The following C9orf72 variants were observed in gnomAD, a reference collection of about 807,000 sequenced individuals.
The protein encoded by C9orf72 is C9orf72-SMCR8 complex subunit.
C9orf72 carries 44 observed loss-of-function variants against 51.6 expected under a neutral mutation model. The ratio of observed to expected loss-of-function variants is 0.85; its 90% CI spans 0.67 to 1.10. C9orf72 has a LOEUF of 1.10. C9orf72 is among the 50% of genes least tolerant of loss of function. The pLI, the probability that C9orf72 is intolerant of heterozygous loss-of-function variation, is 0.00. For synonymous variants in C9orf72, 213 were observed against 194.2 expected, an observed-to-expected ratio of 1.10 and a Z score of -0.81; for missense variants, 607 against 570.6, an observed-to-expected ratio of 1.06 and a Z score of -0.65.
chr9:27,570,567 A>G (rs1163791863), intron 1 of C9orf72, among the ~76,000 whole-genome samples: 2 of 152,240 alleles, frequency 1.3e-5, no homozygotes, highest in East Asian at 1.9e-4. Flanking sequence ...TCCTAACAGA[A>G]TAAGAAAAAA....
At chr9:27,565,634 T>A in intron 2 of C9orf72, 44 bp from the exon 3 acceptor site, 1 of 1,170,944 alleles carries the variant, frequency 8.5e-7, no homozygotes, top group Non-Finnish European at 1.3e-6. Context: ...CCACAACATT[T>A]TGATACTTGC....
intron 8 of C9orf72, among the ~76,000 whole-genome samples, chr9:27,551,034 T>G (rs1820895484): frequency 6.6e-6 from 1 of 151,962 alleles, no homozygotes; most frequent in Non-Finnish European, 1.5e-5. Flanking sequence ...TTAAAAAAAG[T>G]AGAGACCCTT....
At chr9:27,553,726 C>A (rs901208369) in intron 8 of C9orf72, among the ~76,000 whole-genome samples, 2 of 152,086 alleles carry the variant, frequency 1.3e-5, no homozygotes, top group Admixed American at 6.6e-5. Context: ...CGAGCTCCTG[C>A]ATGGCAAAAG....
chr9:27,556,300 C>G (rs1313318059), intron 8 of C9orf72, among the ~76,000 whole-genome samples: 1 of 151,954 alleles, frequency 6.6e-6, no homozygotes, highest in Non-Finnish European at 1.5e-5. Context: ...AGAACAGTGC[C>G]TAGGAGCTCA....
intron 8 of C9orf72, among the ~76,000 whole-genome samples, chr9:27,555,756 T>C (rs1820995828): frequency 6.6e-6 from 1 of 152,012 alleles, no homozygotes; most frequent in Admixed American, 6.6e-5. Context: ...AGAGATGGGG[T>C]TTCACTATGT....
At position 27,546,708 on chromosome 9, in the gene C9orf72, A is replaced by C. The variant is rs1337259202; in HGVS notation, c.*1528T>G. 6.6e-6 allele frequency: 1 copy of C among 152,236 alleles called. No homozygotes were observed. The highest frequency in any genetic ancestry group is 1.5e-5 in the Non-Finnish European group (1 of 68,034). The allele number at this position is 152,236 out of a possible 1,614,324, so 9.4% of individuals were successfully genotyped here. A position where few individuals can be genotyped will look rare whatever the true frequency, so the allele number is the denominator to read the frequency against. On this transcript the variant is annotated 3_prime_UTR_variant, in exon 11 of 11. Coordinates refer to ENST00000380003, the MANE Select transcript of C9orf72 (RefSeq NM_018325.5). Reference sequence around the variant, plus strand: ...ATAACCAGTTAGCACTTAAATAAGAATCTACCATGTAAAAAACACAGTATG... The same window carrying C: ...ATAACCAGTTAGCACTTAAATAAGACTCTACCATGTAAAAAACACAGTATG...
chr9:27,556,071 G>A (rs1819188120), intron 8 of C9orf72, among the ~76,000 whole-genome samples: 1 of 147,828 alleles, frequency 6.8e-6, no homozygotes, highest in Non-Finnish European at 1.5e-5. Flanking sequence ...AAAATAAGAA[G>A]TGAATAACAA....
intron 8 of C9orf72, among the ~76,000 whole-genome samples, chr9:27,551,917 G>A (rs1457498233): frequency 6.6e-6 from 1 of 152,138 alleles, no homozygotes; most frequent in East Asian, 1.9e-4. Context: ...GGATTCCTAG[G>A]TATTTTATTC....
chr9:27,560,530 A>G, intron 5 of C9orf72: 2 of 665,878 alleles, frequency 3.0e-6, no homozygotes, highest in Non-Finnish European at 4.0e-6. Flanking sequence ...AGTCAGTATA[A>G]TATCATTTAA....
At position 27,556,552 on chromosome 9, in the gene C9orf72, A is replaced by G. The variant is rs777232451; in HGVS notation, c.1091+9T>C. ...TGACTACAGTACCAGCAGGCAGAGCATTACGTACAAATCAGGAGTAAAGCT... is the reference window on the plus strand; with the variant it reads ...TGACTACAGTACCAGCAGGCAGAGCGTTACGTACAAATCAGGAGTAAAGCT... On this transcript the variant is annotated intron_variant, in intron 8 of 10. Transcript: ENST00000380003. 1.3e-6 allele frequency: 2 copies of G among 1,564,532 alleles called. No homozygotes were observed. Among genetic ancestry groups the G allele is most frequent in the African/African-American group, 1.4e-5 (1 of 74,028 alleles).
rs1820803049 is a variant in C9orf72, at chr9:27,547,904, G to A, written c.*332C>T. ...CAACTCAGATTTCACCTTGACACAT[G>A]TAAACCATGAATCATGTATTTCAAA... On this transcript the variant is annotated 3_prime_UTR_variant, in exon 11 of 11. Coordinates refer to ENST00000380003, the MANE Select transcript of C9orf72 (RefSeq NM_018325.5). The A allele has an allele frequency of 6.0e-6, 1 of 166,248 alleles. No individual in the cohort carries two copies. Among genetic ancestry groups the A allele is most frequent in the Non-Finnish European group, 1.3e-5 (1 of 77,422 alleles). 10.3% of individuals were successfully genotyped at this position (166,248 alleles called of 1,614,324 possible). A position where few individuals can be genotyped will look rare whatever the true frequency, so the allele number is the denominator to read the frequency against.
chr9:27,564,342 A>T (rs1819418580), intron 3 of C9orf72, among the ~76,000 whole-genome samples: 1 of 152,116 alleles, frequency 6.6e-6, no homozygotes, highest in Non-Finnish European at 1.5e-5. Flanking sequence ...AACTTAAGTA[A>T]AGGTTTCTGG....
In C9orf72 at chr9:27,565,671, G is replaced by A. The variant is rs183669866; in HGVS notation, c.445-81C>T. 2.4e-4 allele frequency: 210 copies of A among 893,380 alleles called. 1 individual carries two copies. Among genetic ancestry groups the A allele is most frequent in the Admixed American group, 7.3e-4 (36 of 49,378 alleles). The allele number at this position is 893,380 out of a possible 1,614,324, so 55.3% of individuals were successfully genotyped here. A position where few individuals can be genotyped will look rare whatever the true frequency, so the allele number is the denominator to read the frequency against. ...TATTTTTCAATAGACATGTTCTTGTGTAGTAATTTAGTTCACAAGAAAAAT... is the reference window on the plus strand; with the variant it reads ...TATTTTTCAATAGACATGTTCTTGTATAGTAATTTAGTTCACAAGAAAAAT... On this transcript the variant is annotated intron_variant, in intron 2 of 10. Coordinates refer to ENST00000380003, the MANE Select transcript of C9orf72 (RefSeq NM_018325.5).
At position 27,556,468 on chromosome 9, in the gene C9orf72, C is replaced by A. The variant is rs1419118476; in HGVS notation, c.1091+93G>T. On this transcript the variant is annotated intron_variant, in intron 8 of 10. Transcript: ENST00000380003. Reference sequence around the variant, plus strand: ...ATAATTCTGCTGGTAATATTTCTTTCTTTTTAAATGCAACTTCTGTTTTGT... The same window carrying A: ...ATAATTCTGCTGGTAATATTTCTTTATTTTTAAATGCAACTTCTGTTTTGT... The A allele has an allele frequency of 7.6e-6, 6 of 791,330 alleles. No individual in the cohort carries two copies. The African/African-American group carries it at 8.6e-5, about 11-fold the overall frequency. The allele number at this position is 791,330 out of a possible 1,614,324, so 49.0% of individuals were successfully genotyped here.
At chr9:27,557,895 T>G (rs1392470289) in intron 7 of C9orf72, among the ~76,000 whole-genome samples, 1 of 151,928 alleles carries the variant, frequency 6.6e-6, no homozygotes, top group East Asian at 1.9e-4. Context: ...TTAGGAAAGC[T>G]ATTTCTTCAC....
upstream of C9orf72, chr9:27,573,761 C>G (rs938300969): frequency 6.6e-6 from 1 of 152,324 alleles, no homozygotes; most frequent in African/African-American, 2.4e-5. Context: ...AGAGAAGCAA[C>G]CGGGCAGCAG....
intron 3 of C9orf72, among the ~76,000 whole-genome samples, chr9:27,564,499 T>C (rs1487225323): frequency 6.6e-6 from 1 of 152,190 alleles, no homozygotes; most frequent in East Asian, 1.9e-4. Flanking sequence ...CCCTGCTTAT[T>C]GACCAGCAAA....
chr9:27,560,030 T>G (rs2131538055), intron 6 of C9orf72, 197 bp downstream of exon 6: 1 of 329,436 alleles, frequency 3.0e-6, no homozygotes, highest in East Asian at 4.8e-5. Context: ...GCTATCAAAA[T>G]AAACTGATAA....
intron 6 of C9orf72, chr9:27,559,670 T>C (rs1229004713): frequency 6.6e-6 from 1 of 152,136 alleles, no homozygotes; most frequent in Admixed American, 6.6e-5. Flanking sequence ...AAGTGCAAAA[T>C]CCTTTAGTTT....
Sources: allele counts gnomAD v4.1 joint callset (sites outside exome capture counted in the v4.1 genomes callset), GRCh38; gene constraint gnomAD v4.1.1; transcripts MANE v1.5; gene names NCBI Gene and HGNC (gene_info 2026-07-23, HGNC 2026-07-21).